ECT2: variants seen among roughly 807,000 people sequenced by gnomAD.
ECT2 encodes protein ECT2.
ECT2 carries 61 observed loss-of-function variants against 116.9 expected under a neutral mutation model. That is an observed-to-expected ratio of 0.52 (90% CI 0.42 to 0.65). The LOEUF (loss-of-function observed/expected upper bound fraction) is 0.65, where lower values mean the gene tolerates loss of function less well. Ranked by LOEUF, ECT2 falls within the 30% of genes least tolerant of loss-of-function variation. The pLI, the probability that ECT2 is intolerant of heterozygous loss-of-function variation, is 0.00. For synonymous variants in ECT2, 358 were observed against 346.4 expected, an observed-to-expected ratio of 1.03 and a Z score of -0.37; for missense variants, 937 against 1,078.7, an observed-to-expected ratio of 0.87 and a Z score of 1.84.
intron 1 of ECT2, 113 bp from the exon 2 acceptor site, chr3:172,754,396 T>G: frequency 1.3e-6 from 1 of 759,708 alleles, no homozygotes; most frequent in Admixed American, 3.6e-5. Context: ...TTTGGTTCAT[T>G]AAAAAAATGG....
Position 172,802,948 on chromosome 3 carries a change from G to C in ECT2, c.2074G>C (p.Val692Leu). The change falls in exon 20 of 25, where the codon GTA becomes CTA. Residue 692 changes from valine (V) to leucine (L), a missense_variant. Coordinates refer to ENST00000392692, the MANE Select transcript of ECT2 (RefSeq NM_001258315.2). ...GCACCCCTGTGACAGAGGAGAACAA[G>C]TAACTCTCTTCCTCTTCAATGATTG... ...GEHPCDRGEQ[V>L]TLFLFNDCLE... 1 of 1,612,888 alleles carries C rather than the reference G, an allele frequency of 6.2e-7. No individual in the cohort carries two copies. The highest frequency in any genetic ancestry group is 1.3e-5 in the African/African-American group (1 of 75,004).
chr3:172,793,638 AT>A (rs947364193), intron 18 of ECT2, among the ~76,000 whole-genome samples: 9 of 151,982 alleles, frequency 5.9e-5, no homozygotes, highest in African/African-American at 1.7e-4. Context: ...TAATTTTAGT[AT>A]TTTTAGTAGA....
At chr3:172,802,785 T>C (rs1215116904) in intron 19 of ECT2, 76 bp from the exon 20 acceptor site, 19 of 1,532,820 alleles carry the variant, frequency 1.2e-5, no homozygotes, top group Non-Finnish European at 1.7e-5. Context: ...TTGGCACTAC[T>C]TTCTTTTAAA....
chr3:172,762,524 G>A lies in ECT2; in HGVS notation c.867G>A (p.Met289Ile), dbSNP rs1718519737. 4.4e-6 allele frequency: 7 copies of A among 1,593,004 alleles called. No individual in the cohort carries two copies. The South Asian group carries it at 8.0e-5, about 18-fold the overall frequency. The change falls in exon 9 of 25, where the codon ATG becomes ATA. Residue 289 changes from methionine to isoleucine, a missense_variant. Met to Ile is a conservative substitution (Grantham distance 10, BLOSUM62 1). Coordinates refer to ENST00000392692, the MANE Select transcript of ECT2 (RefSeq NM_001258315.2). The stretch of plus-strand genomic sequence containing the variant: ...TTTCAGATGAAGAGAAAACCAATAT[G>A]GAAGAAATGACTGAAATGCAAGGTA... ...LGFSDEEKTN[M>I]EEMTEMQGGK...
chr3:172,773,074 C>T (rs1296061102), intron 13 of ECT2, among the ~76,000 whole-genome samples: 1 of 152,074 alleles, frequency 6.6e-6, no homozygotes, highest in Admixed American at 6.5e-5. Flanking sequence ...CTATATCTGC[C>T]AGAAGCCCTG....
chr3:172,757,114 T>C lies in ECT2; in HGVS notation c.435T>C (p.Asp145=), dbSNP rs774280055. ...DSVFNDLYKA[D]CRVIGPPVVL... is the part of the protein sequence containing the mutation. Reference sequence around the variant, plus strand: ...TCTTTAATGACCTCTACAAGGCTGATTGTAGAGTTATTGGACCACCAGTTG... The same window carrying C: ...TCTTTAATGACCTCTACAAGGCTGACTGTAGAGTTATTGGACCACCAGTTG... The change falls in exon 5 of 25, where the codon GAT becomes GAC. Residue 145 remains aspartate (D), a synonymous_variant. Transcript: ENST00000392692. 7.0e-6 allele frequency: 11 copies of C among 1,578,714 alleles called. No individual in the cohort carries two copies. The highest frequency in any genetic ancestry group is 2.4e-5 in the South Asian group (2 of 83,198).
chr3:172,758,893 G>A, intron 5 of ECT2, 87 bp from the exon 6 acceptor site: 1 of 1,137,700 alleles, frequency 8.8e-7, no homozygotes, highest in Non-Finnish European at 1.3e-6. Flanking sequence ...TGGCAAGAGG[G>A]GAAATGAAAT....
At chr3:172,796,912 G>A (rs1007337072) in intron 18 of ECT2, among the ~76,000 whole-genome samples, 3 of 152,108 alleles carry the variant, frequency 2.0e-5, no homozygotes, top group African/African-American at 7.2e-5. Flanking sequence ...TCTCACCTCA[G>A]CCTCCCACAG....
intron 6 of ECT2, 24 bp downstream of exon 6, chr3:172,759,093 A>G (rs1717688864): frequency 1.3e-6 from 2 of 1,500,914 alleles, no homozygotes; most frequent in Non-Finnish European, 1.8e-6. Flanking sequence ...AACAAATTCA[A>G]AGCGTATTTT....
intron 14 of ECT2, among the ~76,000 whole-genome samples, chr3:172,774,785 T>G (rs186494869): frequency 6.6e-6 from 1 of 152,352 alleles, no homozygotes; most frequent in Non-Finnish European, 1.5e-5. Flanking sequence ...ATTACAGCCA[T>G]GAGCCATTGC....
rs779449753 is a variant in ECT2, at chr3:172,768,989, C to T, written c.1292-18C>T. 6.4e-6 allele frequency: 10 copies of T among 1,565,194 alleles called. No homozygotes were observed. The South Asian group carries it at 8.5e-5, about 13-fold the overall frequency. ...ATATTTGGCTTCCATTAAATCTTTC[C>T]ACCTTTTAACGTTTCAGACACCCCA... On this transcript the variant is annotated intron_variant, in intron 12 of 24. Transcript: ENST00000392692.
intron 24 of ECT2, chr3:172,818,634 T>G: frequency 7.8e-7 from 1 of 1,289,244 alleles, no homozygotes; most frequent in Non-Finnish European, 1.0e-6. Flanking sequence ...GTGGGCGCTC[T>G]CAGTACTCCT....
chr3:172,823,452 A>G (rs531970957), downstream of ECT2, among the ~76,000 whole-genome samples: 7 of 152,290 alleles, frequency 4.6e-5, no homozygotes, highest in Middle Eastern at 0.01. Context: ...TAAATATTTG[A>G]CAGTGTTTCT....
chr3:172,818,827 G>A, intron 24 of ECT2: 3 of 1,145,526 alleles, frequency 2.6e-6, no homozygotes, highest in South Asian at 1.8e-5. Flanking sequence ...GAGCTTATTA[G>A]CTATTTAAAA....
chr3:172,807,689 C>A lies in ECT2; in HGVS notation c.2246-81C>A, dbSNP rs182979466. On this transcript the variant is annotated intron_variant, in intron 21 of 24. Transcript: ENST00000392692. ...AGTTCATTTCATTGGAATTTCATTG[C>A]TCTGAGGGAACTAAACTTGCATACA... 49 of 1,456,456 alleles carry A rather than the reference C, an allele frequency of 3.4e-5. No homozygotes were observed. In the African/African-American group the frequency reaches 6.6e-4, roughly 20 times the overall value. The allele number at this position is 1,456,456 out of a possible 1,614,324, so 90.2% of individuals were successfully genotyped here. A position where few individuals can be genotyped will look rare whatever the true frequency, so the allele number is the denominator to read the frequency against.
chr3:172,783,083 C>T (rs1723005925), intron 15 of ECT2, among the ~76,000 whole-genome samples: 1 of 152,084 alleles, frequency 6.6e-6, no homozygotes, highest in African/African-American at 2.4e-5. Context: ...TTAAAGGCTT[C>T]TAATGAACTG....
intron 20 of ECT2, 30 bp downstream of exon 20, chr3:172,803,010 C>T (rs199593558): frequency 6.4e-6 from 10 of 1,558,788 alleles, no homozygotes; most frequent in Non-Finnish European, 8.7e-6. Context: ...AGTATAATAA[C>T]ACTACTGATT....
intron 24 of ECT2, 102 bp from the exon 25 acceptor site, chr3:172,820,046 T>C (rs1730481506): frequency 6.8e-6 from 5 of 732,326 alleles, no homozygotes; most frequent in Non-Finnish European, 1.1e-5. Context: ...ATTGTTACAG[T>C]AATTTGTAAA....
At chr3:172,760,415 A>T (rs1718014175) in intron 7 of ECT2, 152 bp downstream of exon 7, 1 of 485,582 alleles carries the variant, frequency 2.1e-6, no homozygotes, top group Non-Finnish European at 3.6e-6. Context: ...TTTAAATCAT[A>T]AGAGTGGTTA....
Sources: allele counts gnomAD v4.1 joint callset (sites outside exome capture counted in the v4.1 genomes callset), GRCh38; gene constraint gnomAD v4.1.1; transcripts MANE v1.5; gene names NCBI Gene and HGNC (gene_info 2026-07-23, HGNC 2026-07-21).